PPP2R2C: variants seen among roughly 807,000 people sequenced by gnomAD.
PPP2R2C encodes the protein protein phosphatase 2 regulatory subunit Bgamma.
PPP2R2C carries 10 observed loss-of-function variants against 45.3 expected under a neutral mutation model. The observed-to-expected ratio is 0.22, with a 90% CI of 0.14 to 0.37. The LOEUF (loss-of-function observed/expected upper bound fraction) is 0.37. Ranked by LOEUF, PPP2R2C falls within the 10% of genes least tolerant of loss-of-function variation. PPP2R2C has a pLI of 1.00. For missense variants in PPP2R2C, 308 were observed against 619.7 expected (o/e 0.50, Z 5.34); for synonymous variants, 257 against 245.4 (o/e 1.05, Z -0.44).
At chr4:6,356,673 G>T (rs1277492639) in intron 5 of PPP2R2C, among the ~76,000 whole-genome samples, 1 of 152,280 alleles carries the variant, frequency 6.6e-6, no homozygotes, top group African/African-American at 2.4e-5. Flanking sequence ...CAGGCTCAGA[G>T]TGGGCGCTCT....
intron 1 of PPP2R2C, chr4:6,413,754 G>A: frequency 2.0e-6 from 2 of 1,001,858 alleles, no homozygotes; most frequent in Non-Finnish European, 1.4e-6. Context: ...TCCTGGTGGT[G>A]GCAGCTGGGG....
chr4:6,415,884 G>T (rs1718545895), intron 1 of PPP2R2C, among the ~76,000 whole-genome samples: 1 of 152,154 alleles, frequency 6.6e-6, no homozygotes, highest in Non-Finnish European at 1.5e-5. Flanking sequence ...AGCTCTGATG[G>T]TGAAAGCATT....
At chr4:6,339,043 C>T (rs147148956) in intron 6 of PPP2R2C, among the ~76,000 whole-genome samples, 216 of 152,376 alleles carry the variant, frequency 1.4e-3, no homozygotes, top group Non-Finnish European at 2.4e-3. Flanking sequence ...TTTTCTCTCC[C>T]TGAGATCCCT....
chr4:6,429,612 A>G (rs1719510819), intron 1 of PPP2R2C, among the ~76,000 whole-genome samples: 3 of 152,212 alleles, frequency 2.0e-5, no homozygotes, highest in Non-Finnish European at 2.9e-5. Context: ...GTTAAGCAGC[A>G]TCTACCGTGC....
At chr4:6,545,844 T>C (rs116731074) in intron 1 of PPP2R2C, among the ~76,000 whole-genome samples, 354 of 152,326 alleles carry the variant, frequency 2.3e-3, no homozygotes, top group Middle Eastern at 0.017. Flanking sequence ...AGCAAGATAT[T>C]GTAGCAAAAT....
At chr4:6,451,481 G>A (rs1434075569) in intron 1 of PPP2R2C, among the ~76,000 whole-genome samples, 2 of 152,138 alleles carry the variant, frequency 1.3e-5, no homozygotes, top group African/African-American at 2.4e-5. Context: ...TGCATGAGGT[G>A]GGGCAGGGGC....
At chr4:6,414,115 TG>T in intron 1 of PPP2R2C, 1 of 1,230,062 alleles carries the variant, frequency 8.1e-7, no homozygotes, top group African/African-American at 1.5e-5. Flanking sequence ...TGTGTGTGTG[TG>T]TGTGTGTACA....
At chr4:6,517,446 C>T (rs1723860253) in intron 2 of PPP2R2C, among the ~76,000 whole-genome samples, 1 of 152,182 alleles carries the variant, frequency 6.6e-6, no homozygotes, top group South Asian at 2.1e-4. Context: ...GACTACTTCC[C>T]AGAAGCCACA....
At chr4:6,457,861 G>T (rs1042167074) in intron 1 of PPP2R2C, among the ~76,000 whole-genome samples, 2 of 152,188 alleles carry the variant, frequency 1.3e-5, no homozygotes, top group African/African-American at 4.8e-5. Flanking sequence ...ATGCTTTGCA[G>T]AATTATCTTT....
intron 5 of PPP2R2C, among the ~76,000 whole-genome samples, chr4:6,363,662 T>C (rs1714024712): frequency 6.6e-6 from 1 of 151,870 alleles, no homozygotes; most frequent in Admixed American, 6.5e-5. Flanking sequence ...TGAACATGGA[T>C]TTGGGAAGAG....
At chr4:6,533,020 TGGAGG>T (rs1724456946) in intron 2 of PPP2R2C, among the ~76,000 whole-genome samples, 2 of 152,306 alleles carry the variant, frequency 1.3e-5, no homozygotes, top group South Asian at 4.1e-4. Flanking sequence ...GCATGGTGCA[TGGAGG>T]CAGGGGTAAG....
At chr4:6,461,929 C>T (rs542695999) in intron 1 of PPP2R2C, among the ~76,000 whole-genome samples, 4 of 152,334 alleles carry the variant, frequency 2.6e-5, no homozygotes, top group Admixed American at 1.3e-4. Context: ...ACCAGGCCCA[C>T]GGAGCACGTG....
chr4:6,431,795 G>T (rs918164710), intron 1 of PPP2R2C, among the ~76,000 whole-genome samples: 8 of 152,156 alleles, frequency 5.3e-5, no homozygotes, highest in African/African-American at 1.9e-4. Flanking sequence ...GTGGGTGGAG[G>T]ATGGGCCGTG....
In PPP2R2C at chr4:6,324,238, C is replaced by T. The variant is rs1731760592; in HGVS notation, c.1053-645G>A. On this transcript the variant is annotated intron_variant, in intron 8 of 8. Transcript: ENST00000382599. The surrounding 1 kb of genome is among the most constrained non-coding windows in gnomAD (Gnocchi z 4.1). The stretch of plus-strand genomic sequence containing the variant: ...CCTGAGGTTAGGAGTTTGAGACCAG[C>T]CTGGCCAACATGATGAAACCCTGTC... Among the ~76,000 whole-genome samples, 1 of 152,112 alleles carries T rather than the reference C, an allele frequency of 6.6e-6. No individual in the cohort carries two copies. The highest frequency in any genetic ancestry group is 1.5e-5 in the Non-Finnish European group (1 of 68,010).
chr4:6,465,467 C>T (rs770536304), intron 1 of PPP2R2C, among the ~76,000 whole-genome samples: 6 of 152,190 alleles, frequency 3.9e-5, no homozygotes, highest in Non-Finnish European at 8.8e-5. Context: ...GGAGTTCACC[C>T]TACCCAGAGT....
intron 2 of PPP2R2C, among the ~76,000 whole-genome samples, chr4:6,494,159 C>A (rs988110262): frequency 6.6e-6 from 1 of 152,192 alleles, no homozygotes; most frequent in Non-Finnish European, 1.5e-5. Flanking sequence ...TGGGGCAGGA[C>A]CCATTGGTCT....
chr4:6,343,038 T>A (rs1733574500), intron 6 of PPP2R2C, among the ~76,000 whole-genome samples: 1 of 152,218 alleles, frequency 6.6e-6, no homozygotes, highest in Non-Finnish European at 1.5e-5. Flanking sequence ...ATTGGATACA[T>A]GGATGGAAGT....
intron 1 of PPP2R2C, among the ~76,000 whole-genome samples, chr4:6,446,127 T>G (rs924908811): frequency 2.0e-5 from 3 of 152,086 alleles, no homozygotes; most frequent in Non-Finnish European, 4.4e-5. Flanking sequence ...CACTTATCCT[T>G]ATGGTCACGC....
At chr4:6,473,456 G>A (rs1033585632), upstream of PPP2R2C, among the ~76,000 whole-genome samples, 13 of 152,246 alleles carry the variant, frequency 8.5e-5, 1 homozygote, top group Admixed American at 2.6e-4. Flanking sequence ...TCCCCTGCAC[G>A]GGACACAAGC....
Sources: gnomAD v4.1 joint callset for allele counts (sites outside exome capture counted in the v4.1 genomes callset) on GRCh38, gnomAD v4.1.1 for gene constraint, Gnocchi (gnomAD v3.1) non-coding constraint, MANE v1.5 for transcripts, NCBI Gene and HGNC (gene_info 2026-07-23, HGNC 2026-07-21) for gene names.